Variants in FGGY observed in about 807,000 individuals in gnomAD.
FGGY encodes FGGY carbohydrate kinase domain-containing protein.
Under a neutral mutation model 71.3 loss-of-function variants are expected in FGGY, and 72 were observed. The ratio of observed to expected loss-of-function variants is 1.01; its 90% CI spans 0.84 to 1.23. The LOEUF (loss-of-function observed/expected upper bound fraction) is 1.23. Ranked by LOEUF, FGGY falls within the 50% of genes most tolerant of loss-of-function variation. The pLI, the probability that FGGY is intolerant of heterozygous loss-of-function variation, is 0.00. For missense variants in FGGY, 668 were observed against 682.3 expected (o/e 0.98, Z 0.23); for synonymous variants, 251 against 250.3 (o/e 1.00, Z -0.02).
At position 59,310,380 on chromosome 1, in the gene FGGY, A is replaced by G. The variant is rs370794070; in HGVS notation, c.-14-11156A>G. 8.9e-4 allele frequency among the ~76,000 whole-genome samples: 135 copies of G among 152,354 alleles called. 3 individuals carry two copies. The South Asian group carries it at 0.027, about 31-fold the overall frequency. On this transcript the variant is annotated intron_variant, in intron 1 of 15. Transcript: ENST00000303721. The stretch of plus-strand genomic sequence containing the variant: ...GAGAAACTGTGTATATGTTTAAATT[A>G]TTCAGAACTCAAAGAGAGGTCAGGA...
intron 6 of FGGY, among the ~76,000 whole-genome samples, chr1:59,461,748 G>C (rs2092239664): frequency 1.3e-5 from 2 of 152,132 alleles, no homozygotes. Context: ...CCAGAAGAGA[G>C]TGGAGGCCAA....
intron 1 of FGGY, among the ~76,000 whole-genome samples, chr1:59,315,035 A>C (rs985549349): frequency 6.6e-6 from 1 of 152,142 alleles, no homozygotes; most frequent in African/African-American, 2.4e-5. Context: ...ACTTCTTGGT[A>C]CTGGGGCTCT....
At chr1:59,345,699 A>C (rs935828856) in intron 3 of FGGY, among the ~76,000 whole-genome samples, 1 of 150,942 alleles carries the variant, frequency 6.6e-6, no homozygotes, top group East Asian at 1.9e-4. Context: ...ACGCCAGCAA[A>C]CAAGCCAACC....
chr1:59,436,043 A>T (rs768975744), intron 5 of FGGY, among the ~76,000 whole-genome samples: 1 of 152,090 alleles, frequency 6.6e-6, no homozygotes, highest in Non-Finnish European at 1.5e-5. Flanking sequence ...TCATGACAGC[A>T]TCTCGCTTGA....
In FGGY at chr1:59,426,626, C is replaced by T. The variant is rs545661606; in HGVS notation, c.555-30335C>T. Among the ~76,000 whole-genome samples, 66 of 152,322 alleles carry T rather than the reference C, an allele frequency of 4.3e-4. 1 individual carries two copies. The Middle Eastern group carries it at 0.024, about 55-fold the overall frequency. On this transcript the variant is annotated intron_variant, in intron 5 of 15. Coordinates refer to ENST00000303721, the MANE Select transcript of FGGY (RefSeq NM_018291.5). ...CATCCCTGAATTTCTAACTCACAGG[C>T]CTCCCCTACGTTAATATATTTATGT... is the stretch of plus-strand genomic sequence containing the variant.
At chr1:59,534,647 A>G (rs2095261703) in intron 7 of FGGY, among the ~76,000 whole-genome samples, 2 of 152,318 alleles carry the variant, frequency 1.3e-5, no homozygotes, top group Admixed American at 6.5e-5. Context: ...CAGAAACTCT[A>G]CAAGCCAGAA....
chr1:59,447,734 A>G (rs1029405329), intron 5 of FGGY, among the ~76,000 whole-genome samples: 17 of 152,240 alleles, frequency 1.1e-4, no homozygotes, highest in Middle Eastern at 3.4e-3. Flanking sequence ...GCCATATAAG[A>G]CGTGCCTTTT....
chr1:59,336,015 A>C (rs1010825691), intron 2 of FGGY, among the ~76,000 whole-genome samples: 4 of 152,100 alleles, frequency 2.6e-5, no homozygotes, highest in African/African-American at 9.6e-5. Context: ...TGAAGTCAAA[A>C]TTTTTTCTTT....
At chr1:59,609,011 G>T (rs2096650018) in intron 9 of FGGY, among the ~76,000 whole-genome samples, 1 of 152,192 alleles carries the variant, frequency 6.6e-6, no homozygotes, top group South Asian at 2.1e-4. Flanking sequence ...TACAGAGTTG[G>T]CACAAAGCTA....
chr1:59,443,166 T>C (rs1328381377), intron 5 of FGGY, among the ~76,000 whole-genome samples: 2 of 152,224 alleles, frequency 1.3e-5, no homozygotes, highest in African/African-American at 2.4e-5. Flanking sequence ...GAGATAATCC[T>C]AGCTTATCAA....
At chr1:59,374,150 C>T (rs1489081820) in intron 4 of FGGY, among the ~76,000 whole-genome samples, 1 of 152,142 alleles carries the variant, frequency 6.6e-6, no homozygotes, top group African/African-American at 2.4e-5. Flanking sequence ...TCACAACCTA[C>T]TCATCTGACA....
intron 14 of FGGY, among the ~76,000 whole-genome samples, chr1:59,728,568 T>A (rs956336769): frequency 6.6e-6 from 1 of 152,096 alleles, no homozygotes; most frequent in Non-Finnish European, 1.5e-5. Context: ...TCAACATTTT[T>A]TATAATGTAG....
intron 14 of FGGY, among the ~76,000 whole-genome samples, chr1:59,747,288 G>A (rs1458043480): frequency 1.3e-5 from 2 of 152,116 alleles, no homozygotes; most frequent in Non-Finnish European, 2.9e-5. Context: ...ATTCATGTTT[G>A]GATCCAACTC....
intron 2 of FGGY, among the ~76,000 whole-genome samples, chr1:59,331,113 A>G (rs2048384850): frequency 6.6e-6 from 1 of 152,168 alleles, no homozygotes; most frequent in Admixed American, 6.5e-5. Flanking sequence ...AGAGGAATAA[A>G]TAGGAGGGCT....
intron 11 of FGGY, among the ~76,000 whole-genome samples, chr1:59,647,847 A>C (rs1306171101): frequency 1.8e-5 from 2 of 109,480 alleles, no homozygotes; most frequent in Non-Finnish European, 1.8e-5. Context: ...CGCTGCACCC[A>C]CTAACTCGTC....
intron 8 of FGGY, among the ~76,000 whole-genome samples, chr1:59,586,472 A>G (rs979404323): frequency 7.2e-5 from 11 of 152,224 alleles, no homozygotes; most frequent in South Asian, 2.1e-4. Flanking sequence ...ACACATGGAC[A>G]CAGGAAGGGG....
At chr1:59,732,634 TACCAAAGCAGATAGAGGAAAGGGGG>T (rs1324830179) in intron 14 of FGGY, among the ~76,000 whole-genome samples, 1 of 150,104 alleles carries the variant, frequency 6.7e-6, no homozygotes, top group Non-Finnish European at 1.5e-5. Flanking sequence ...GGGTCAGAGA[TACCAAAGCAGATAGAGGAAAGGGGG>T]GCAAGAAAGG....
intron 6 of FGGY, among the ~76,000 whole-genome samples, chr1:59,506,308 T>C (rs2094380982): frequency 6.6e-6 from 1 of 150,890 alleles, no homozygotes; most frequent in Non-Finnish European, 1.5e-5. Flanking sequence ...TTTCTGGAAG[T>C]TTATGTGCTT....
At chr1:59,655,848 C>T (rs140061652) in intron 11 of FGGY, among the ~76,000 whole-genome samples, 81 of 152,170 alleles carry the variant, frequency 5.3e-4, no homozygotes, top group African/African-American at 1.9e-3. Context: ...AAATTGAGCT[C>T]ATAGATGTTA....
Sources: allele counts gnomAD v4.1 joint callset (sites outside exome capture counted in the v4.1 genomes callset), GRCh38; gene constraint gnomAD v4.1.1; transcripts MANE v1.5; gene names NCBI Gene and HGNC (gene_info 2026-07-23, HGNC 2026-07-21).